Variants in DPP10 observed in about 807,000 individuals in gnomAD.
The protein encoded by DPP10 is inactive dipeptidyl peptidase 10.
A neutral mutation model predicts 120.9 loss-of-function variants in DPP10; 33 were observed. That is an observed-to-expected ratio of 0.27 (90% CI 0.21 to 0.37). The LOEUF is 0.37. DPP10 is among the 10% of genes least tolerant of loss of function. The probability of loss-of-function intolerance (pLI) is 1.00; values close to 1 mark genes in which losing one functional copy is unlikely to be tolerated. For missense variants in DPP10, 816 were observed against 942.8 expected, an observed-to-expected ratio of 0.87 and a Z score of 1.76; for synonymous variants, 337 against 326.1, an observed-to-expected ratio of 1.03 and a Z score of -0.36.
At chr2:115,204,726 A>G (rs1472449560) in intron 1 of DPP10, among the ~76,000 whole-genome samples, 1 of 152,192 alleles carries the variant, frequency 6.6e-6, no homozygotes, top group African/African-American at 2.4e-5. Context: ...TCTGTCAGAT[A>G]GTGACAGCTC....
intron 1 of DPP10, among the ~76,000 whole-genome samples, chr2:115,005,984 T>A (rs376726619): frequency 6.6e-6 from 1 of 152,006 alleles, no homozygotes; most frequent in Admixed American, 6.6e-5. Context: ...CGGGTTACCC[T>A]CAAAGGGAAG....
chr2:115,609,860 C>T (rs2083971082), intron 5 of DPP10, among the ~76,000 whole-genome samples: 2 of 152,032 alleles, frequency 1.3e-5, no homozygotes, highest in Non-Finnish European at 2.9e-5. Flanking sequence ...CTGAAATATG[C>T]CATATTGAAT....
At chr2:114,465,000 G>C (rs1679235677) in intron 1 of DPP10, among the ~76,000 whole-genome samples, 2 of 152,176 alleles carry the variant, frequency 1.3e-5, no homozygotes, top group Admixed American at 6.5e-5. Flanking sequence ...TGTCAGAGTT[G>C]TCACACAGAA....
At position 114,723,199 on chromosome 2, in the gene DPP10, G is replaced by A. The variant is rs374579278; in HGVS notation, c.60+280361G>A. 9.2e-5 allele frequency among the ~76,000 whole-genome samples: 14 copies of A among 152,186 alleles called. 1 individual carries two copies. The highest frequency in any genetic ancestry group is 7.7e-4 in the East Asian group (4 of 5,196). On this transcript the variant is annotated intron_variant, in intron 1 of 25. Transcript: ENST00000410059. Reference sequence around the variant, plus strand: ...CCATTAGGAAAGGTATGAACAATCAGTCTGTGCTTCTAAGCTTGATTCCTT... The same window carrying A: ...CCATTAGGAAAGGTATGAACAATCAATCTGTGCTTCTAAGCTTGATTCCTT...
rs149408664 is a variant in DPP10 at position 114,617,448 on chromosome 2, G to A, written c.60+174610G>A. On this transcript the variant is annotated intron_variant, in intron 1 of 25. Coordinates refer to ENST00000410059, the MANE Select transcript of DPP10 (RefSeq NM_020868.6). ...AAAGATGTTAATGCTGATTAAATTT[G>A]GAGAAAATATATTAAATGTTTATGA... Among the ~76,000 whole-genome samples, 77 of 152,056 alleles carry A rather than the reference G, an allele frequency of 5.1e-4. 1 individual carries two copies. The East Asian group carries it at 0.014, about 28-fold the overall frequency.
At chr2:114,684,610 C>T (rs1368327439) in intron 1 of DPP10, among the ~76,000 whole-genome samples, 2 of 151,948 alleles carry the variant, frequency 1.3e-5, no homozygotes, top group Non-Finnish European at 1.5e-5. Context: ...AGGCTTTGGT[C>T]TTACCCAGGC....
intron 1 of DPP10, among the ~76,000 whole-genome samples, chr2:115,266,316 T>C (rs1406491039): frequency 6.6e-6 from 1 of 152,198 alleles, no homozygotes; most frequent in Non-Finnish European, 1.5e-5. Context: ...GCTAGAATGA[T>C]GTAAAAAATA....
intron 5 of DPP10, among the ~76,000 whole-genome samples, chr2:115,553,459 GT>G (rs2149013583): frequency 1.3e-5 from 2 of 151,840 alleles, no homozygotes; most frequent in East Asian, 3.9e-4. Flanking sequence ...ATACATTATA[GT>G]TTTTCTCAAA....
At chr2:115,320,627 TTG>T (rs1226557526) in intron 2 of DPP10, among the ~76,000 whole-genome samples, 1 of 152,052 alleles carries the variant, frequency 6.6e-6, no homozygotes, top group African/African-American at 2.4e-5. Flanking sequence ...CCTTACAATA[TTG>T]TTTTTGTCAC....
At chr2:114,820,850 C>A (rs1011143508) in intron 1 of DPP10, among the ~76,000 whole-genome samples, 5 of 152,152 alleles carry the variant, frequency 3.3e-5, no homozygotes, top group African/African-American at 4.8e-5. Context: ...ATCATTCTTC[C>A]CCTGGACCCT....
chr2:114,648,644 G>A (rs917211752), intron 1 of DPP10, among the ~76,000 whole-genome samples: 2 of 152,164 alleles, frequency 1.3e-5, no homozygotes, highest in African/African-American at 4.8e-5. Context: ...TTATGATGGA[G>A]GGATTCAGTC....
chr2:115,307,103 G>A (rs565605319), intron 1 of DPP10, among the ~76,000 whole-genome samples: 22 of 152,030 alleles, frequency 1.4e-4, no homozygotes, highest in East Asian at 3.9e-4. Flanking sequence ...TTCAAATCCC[G>A]TTTTCTTATC....
chr2:115,408,546 C>T (rs1026211263), intron 3 of DPP10, among the ~76,000 whole-genome samples: 4 of 152,120 alleles, frequency 2.6e-5, no homozygotes, highest in Admixed American at 2.0e-4. Context: ...ACGTGTAACA[C>T]TCTCAAAGGG....
chr2:114,733,832 G>A (rs934805242), intron 1 of DPP10, among the ~76,000 whole-genome samples: 26 of 152,150 alleles, frequency 1.7e-4, no homozygotes, highest in Middle Eastern at 6.8e-3. Context: ...ATTTTCTTCC[G>A]TAGAAATAAC....
intron 3 of DPP10, among the ~76,000 whole-genome samples, chr2:115,385,824 A>G (rs888333148): frequency 4.6e-5 from 7 of 152,198 alleles, no homozygotes; most frequent in African/African-American, 1.7e-4. Flanking sequence ...TTTTGCTATA[A>G]GAGTATGACT....
At chr2:115,005,006 G>A (rs4505539) in intron 1 of DPP10, among the ~76,000 whole-genome samples, 27 of 152,012 alleles carry the variant, frequency 1.8e-4, no homozygotes, top group South Asian at 1.7e-3. Context: ...TCTCCCAGTA[G>A]GCAGCTGGAG....
chr2:115,573,345 G>C (rs1432144389), intron 5 of DPP10, among the ~76,000 whole-genome samples: 3 of 145,356 alleles, frequency 2.1e-5, no homozygotes, highest in Non-Finnish European at 4.5e-5. Context: ...TGCAGTTGTA[G>C]GATCTTGGCT....
At chr2:114,767,127 AGC>A (rs1680782239) in intron 1 of DPP10, among the ~76,000 whole-genome samples, 1 of 148,072 alleles carries the variant, frequency 6.8e-6, no homozygotes, top group Non-Finnish European at 1.5e-5. Flanking sequence ...AAAAGCTTAA[AGC>A]TAAAATTAAA....
chr2:115,613,420 A>G (rs1553461714), intron 5 of DPP10, among the ~76,000 whole-genome samples: 2 of 152,170 alleles, frequency 1.3e-5, no homozygotes, highest in South Asian at 2.1e-4. Flanking sequence ...AGATTCTTGC[A>G]TTATTCTCTC....
Sources: gnomAD v4.1 joint callset for allele counts (sites outside exome capture counted in the v4.1 genomes callset) on GRCh38, gnomAD v4.1.1 for gene constraint, MANE v1.5 for transcripts, NCBI Gene and HGNC (gene_info 2026-07-23, HGNC 2026-07-21) for gene names.